Variants in PHLDB1 observed in about 807,000 individuals in gnomAD.
PHLDB1 encodes the protein pleckstrin homology-like domain family B member 1.
Under a neutral mutation model 139.3 loss-of-function variants are expected in PHLDB1, and 65 were observed. The observed-to-expected ratio is 0.47, with a 90% CI of 0.38 to 0.57. The LOEUF is 0.57. Among genes scored for constraint, PHLDB1 ranks in the 20% least tolerant of loss-of-function variants. The pLI, the probability that PHLDB1 is intolerant of heterozygous loss-of-function variation, is 0.00. For missense variants in PHLDB1, 1,624 were observed against 1,839.7 expected (o/e 0.88, Z 2.14); for synonymous variants, 679 against 734.5 (o/e 0.92, Z 1.22).
In PHLDB1 at chr11:118,610,124, C is replaced by A. The variant is rs1939878129; in HGVS notation, c.-22+2425C>A. ...TCCTTTCTTCCCCCGACCCCTCCAC[C>A]TCTGTGTTCTTCAGTCTCCCCGCAT... On this transcript the variant is annotated intron_variant, in intron 1 of 22. Coordinates refer to ENST00000600882, the MANE Select transcript of PHLDB1 (RefSeq NM_001144758.3). The surrounding 1 kb of genome is among the most constrained non-coding windows in gnomAD (Gnocchi z 8.7). 6.6e-6 allele frequency among the ~76,000 whole-genome samples: 1 copy of A among 152,030 alleles called. No individual in the cohort carries two copies. Among genetic ancestry groups the A allele is most frequent in the Non-Finnish European group, 1.5e-5 (1 of 67,992 alleles).
At chr11:118,641,734 C>T in intron 12 of PHLDB1, 1 of 1,289,962 alleles carries the variant, frequency 7.8e-7, no homozygotes, top group African/African-American at 1.5e-5. Flanking sequence ...CACCTGCCTT[C>T]CTCCCATGCT....
chr11:118,616,025 T>C lies in PHLDB1; in HGVS notation c.185-16T>C. ...CCTGGACAACCCCTCTGATTCAGTT[T>C]GCCTCTTGTCTCCAGGGAGGACGGT... On this transcript the variant is annotated splice_polypyrimidine_tract_variant and intron_variant, in intron 3 of 22. Coordinates refer to ENST00000600882, the MANE Select transcript of PHLDB1 (RefSeq NM_001144758.3). 1 of 1,606,772 alleles carries C rather than the reference T, an allele frequency of 6.2e-7. No homozygotes were observed. The highest frequency in any genetic ancestry group is 8.5e-7 in the Non-Finnish European group (1 of 1,175,586).
In PHLDB1 at chr11:118,656,787, C is replaced by G; in HGVS notation, c.4098C>G (p.Val1366=). ...EAMRIWMDVI[V]TGAEGYTQFM... Reference sequence around the variant, plus strand: ...TGCGTATCTGGATGGATGTCATTGTCACAGGGGCTGAGGGCTACACTCAGT... The same window carrying G: ...TGCGTATCTGGATGGATGTCATTGTGACAGGGGCTGAGGGCTACACTCAGT... The change falls in exon 23 of 23, where the codon GTC becomes GTG. Residue 1366 remains valine (V), a synonymous_variant. Transcript: ENST00000600882. 4 of 1,614,076 alleles carry G rather than the reference C, an allele frequency of 2.5e-6. No homozygotes were observed. Among genetic ancestry groups the G allele is most frequent in the Non-Finnish European group, 3.4e-6 (4 of 1,179,908 alleles).
At chr11:118,609,278 T>C in intron 1 of PHLDB1, among the ~76,000 whole-genome samples, 1 of 97,000 alleles carries the variant, frequency 1.0e-5, no homozygotes. Flanking sequence ...ACAGCCCAGC[T>C]CACACACACA....
intron 13 of PHLDB1, 60 bp from the exon 14 acceptor site, chr11:118,643,740 C>T (rs976879395): frequency 1.9e-5 from 31 of 1,612,836 alleles, no homozygotes; most frequent in Non-Finnish European, 2.5e-5. Flanking sequence ...GACTAGGTGA[C>T]ATGGGGGAGG....
Position 118,616,127 on chromosome 11 carries a change from C to T in PHLDB1, c.271C>T (p.Arg91Trp), listed in dbSNP as rs781950950. ...AGAGCACTGCTACATCGAGAACCTG[C>T]GGGGCACCCTCACCCTCTACCCCTG... The part of the protein sequence containing the change: ...APEHCYIENL[R>W]GTLTLYPCGN... Residue 91 changes from arginine (R) to tryptophan (W), a missense_variant, in exon 4 of 23, where the codon CGG becomes TGG. Coordinates refer to ENST00000600882, the MANE Select transcript of PHLDB1 (RefSeq NM_001144758.3). The T allele has an allele frequency of 2.7e-5, 44 of 1,613,724 alleles. No individual in the cohort carries two copies. The highest frequency in any genetic ancestry group is 3.3e-4 in the Middle Eastern group (2 of 6,084).
chr11:118,636,181 G>C (rs782573112), intron 10 of PHLDB1, among the ~76,000 whole-genome samples: 3 of 152,172 alleles, frequency 2.0e-5, no homozygotes, highest in Non-Finnish European at 4.4e-5. Context: ...TAAGGGTTGG[G>C]AAGAGGTGAG....
intron 10 of PHLDB1, among the ~76,000 whole-genome samples, chr11:118,635,851 T>C (rs1555115254): frequency 1.3e-5 from 2 of 152,024 alleles, no homozygotes; most frequent in African/African-American, 4.8e-5. Context: ...AGGTGAAAGA[T>C]GGAGGAGGAG....
intron 10 of PHLDB1, among the ~76,000 whole-genome samples, chr11:118,638,256 C>T (rs1432101167): frequency 6.6e-6 from 1 of 152,006 alleles, no homozygotes. Context: ...TCGGGAGCCC[C>T]GAATGCCTGG....
intron 22 of PHLDB1, 40 bp from the exon 23 acceptor site, chr11:118,656,641 TGG>T: frequency 6.3e-7 from 1 of 1,595,424 alleles, no homozygotes; most frequent in Non-Finnish European, 8.6e-7. Flanking sequence ...TTCCTGGGCA[TGG>T]GTGAGCCCCA....
In PHLDB1 at chr11:118,627,610, A is replaced by C; in HGVS notation, c.787A>C (p.Ser263Arg). ...PAFSPLSSPA[S>R]SGSCASHSPS... ...CTTCTCTCCACTCTCTTCACCAGCC[A>C]GCAGTGGAAGCTGTGCCAGTCACTC... Residue 263 changes from serine (S) to arginine (R), a missense_variant, in exon 6 of 23, where the codon AGC (serine) becomes CGC (arginine). Ser to Arg is a moderately radical substitution (Grantham distance 110). Coordinates refer to ENST00000600882, the MANE Select transcript of PHLDB1 (RefSeq NM_001144758.3). 1 of 1,613,424 alleles carries C rather than the reference A, an allele frequency of 6.2e-7. No individual in the cohort carries two copies. Among genetic ancestry groups the C allele is most frequent in the Non-Finnish European group, 8.5e-7 (1 of 1,180,012 alleles).
chr11:118,621,623 G>C (rs1942821195), intron 4 of PHLDB1: 1 of 152,344 alleles, frequency 6.6e-6, no homozygotes, highest in African/African-American at 2.4e-5. Context: ...CTTGAGGAGG[G>C]TGGGCGGGAG....
rs782612612 is a variant in PHLDB1 at position 118,631,309 on chromosome 11, G to T, written c.1930G>T (p.Ala644Ser). The stretch of plus-strand genomic sequence containing the variant: ...GCTTCCCAGCATTGGGGAGGCCACC[G>T]CAGCATTGGCACTGGCAGGCCGGAG... ...GELPSIGEAT[A>S]ALALAGRRPS... Residue 644 changes from alanine (A) to serine (S), a missense_variant, in exon 7 of 23, where the codon GCA (alanine) becomes TCA (serine). Coordinates refer to ENST00000600882, the MANE Select transcript of PHLDB1 (RefSeq NM_001144758.3). The T allele has an allele frequency of 2.6e-6, 4 of 1,543,316 alleles. No individual in the cohort carries two copies. Among genetic ancestry groups the T allele is most frequent in the Middle Eastern group, 1.7e-4 (1 of 5,804 alleles).
At position 118,656,911 on chromosome 11, in the gene PHLDB1, C is replaced by A; in HGVS notation, c.*88C>A. On this transcript the variant is annotated 3_prime_UTR_variant, in exon 23 of 23. Coordinates refer to ENST00000600882, the MANE Select transcript of PHLDB1 (RefSeq NM_001144758.3). ...GTAAGGAGCTTGGTCCTGTGAGTTTCTGGGCTCTGGCCTCCTGAAGAACCA... is the reference window on the plus strand; with the variant it reads ...GTAAGGAGCTTGGTCCTGTGAGTTTATGGGCTCTGGCCTCCTGAAGAACCA... 1 of 1,210,578 alleles carries A rather than the reference C, an allele frequency of 8.3e-7. No homozygotes were observed. The highest frequency in any genetic ancestry group is 2.4e-5 in the East Asian group (1 of 41,658). 75.0% of individuals were successfully genotyped at this position (1,210,578 alleles called of 1,614,324 possible). A position where few individuals can be genotyped will look rare whatever the true frequency, so the allele number is the denominator to read the frequency against.
chr11:118,650,234 G>A lies in PHLDB1; in HGVS notation c.3771+41G>A. 3 of 1,469,598 alleles carry A rather than the reference G, an allele frequency of 2.0e-6. No homozygotes were observed. The highest frequency in any genetic ancestry group is 2.9e-6 in the Non-Finnish European group (3 of 1,048,328). The allele number at this position is 1,469,598 out of a possible 1,614,324, so 91.0% of individuals were successfully genotyped here. Reference sequence around the variant, plus strand: ...GGCCCTGGGGTGCTGGGGAGAGGGAGAATCCCGTGGTGAGAGGCACCTCCT... The same window carrying A: ...GGCCCTGGGGTGCTGGGGAGAGGGAAAATCCCGTGGTGAGAGGCACCTCCT... On this transcript the variant is annotated intron_variant, in intron 19 of 22. Transcript: ENST00000600882. The surrounding 1 kb of genome is among the most constrained non-coding windows in gnomAD (Gnocchi z 4.7).
At position 118,627,301 on chromosome 11, in the gene PHLDB1, C is replaced by G; in HGVS notation, c.482-4C>G. On this transcript the variant is annotated splice_polypyrimidine_tract_variant and splice_region_variant and intron_variant, in intron 5 of 22. Transcript: ENST00000600882. ...AAGTCAAAGACCTTTGCATTTCCCT[C>G]CAGCAGAATCAGAAAGTCTGGTAAA... is the stretch of plus-strand genomic sequence containing the variant. 1.2e-6 allele frequency: 2 copies of G among 1,612,936 alleles called. No individual in the cohort carries two copies. Among genetic ancestry groups the G allele is most frequent in the Non-Finnish European group, 1.7e-6 (2 of 1,179,700 alleles).
chr11:118,629,942 C>A (rs781962110), intron 6 of PHLDB1: 45 of 1,196,834 alleles, frequency 3.8e-5, no homozygotes, highest in Middle Eastern at 7.0e-4. Context: ...CCCTGCCCCT[C>A]CCACCTCAAC....
At chr11:118,636,160 G>A (rs1945608777) in intron 10 of PHLDB1, among the ~76,000 whole-genome samples, 1 of 152,208 alleles carries the variant, frequency 6.6e-6, no homozygotes, top group South Asian at 2.1e-4. Context: ...CTGGGAGGAG[G>A]TATGTGTTAG....
chr11:118,620,759 G>A lies in PHLDB1; in HGVS notation c.356-4175G>A, dbSNP rs955826909. Among the ~76,000 whole-genome samples, 1 of 152,134 alleles carries A rather than the reference G, an allele frequency of 6.6e-6. No individual in the cohort carries two copies. The highest frequency in any genetic ancestry group is 2.4e-5 in the African/African-American group (1 of 41,414). On this transcript the variant is annotated intron_variant, in intron 4 of 22. Coordinates refer to ENST00000600882, the MANE Select transcript of PHLDB1 (RefSeq NM_001144758.3). This position sits in a 1 kb window ranked among gnomAD's most constrained non-coding sequence, Gnocchi z 4.1. Reference sequence around the variant, plus strand: ...ATGGGGAGTGGGGCCGGAAGAGGAGGTGTTTAGGGTGGAGACAGGAGGTGG... The same window carrying A: ...ATGGGGAGTGGGGCCGGAAGAGGAGATGTTTAGGGTGGAGACAGGAGGTGG...
Sources: allele counts gnomAD v4.1 joint callset (sites outside exome capture counted in the v4.1 genomes callset), GRCh38; gene constraint gnomAD v4.1.1; non-coding constraint Gnocchi (gnomAD v3.1); transcripts MANE v1.5; gene names NCBI Gene and HGNC (gene_info 2026-07-23, HGNC 2026-07-21).